LHFPL3: variants seen among roughly 807,000 people sequenced by gnomAD.
The protein encoded by LHFPL3 is LHFPL tetraspan subfamily member 3 protein.
Under a neutral mutation model 19.3 loss-of-function variants are expected in LHFPL3, and 5 were observed. The observed-to-expected ratio is 0.26, with a 90% CI of 0.14 to 0.54. LHFPL3 has a LOEUF of 0.54. Among genes scored for constraint, LHFPL3 ranks in the 20% least tolerant of loss-of-function variants. The pLI, the probability that LHFPL3 is intolerant of heterozygous loss-of-function variation, is 0.94. For missense variants in LHFPL3, 249 were observed against 307.4 expected (o/e 0.81, Z 1.42); for synonymous variants, 133 against 126.2 (o/e 1.05, Z -0.36).
intron 2 of LHFPL3, among the ~76,000 whole-genome samples, chr7:104,884,940 T>G (rs1792121763): frequency 6.6e-6 from 1 of 152,002 alleles, no homozygotes; most frequent in Non-Finnish European, 1.5e-5. Context: ...AGAGGAGGAA[T>G]GGGCAACTCA....
At chr7:104,638,425 T>C (rs1050054613) in intron 1 of LHFPL3, among the ~76,000 whole-genome samples, 3 of 152,084 alleles carry the variant, frequency 2.0e-5, no homozygotes, top group African/African-American at 7.2e-5. Flanking sequence ...TCCAATACTA[T>C]GTTGGATAGG....
intron 2 of LHFPL3, among the ~76,000 whole-genome samples, chr7:104,782,256 T>C (rs1182061299): frequency 6.6e-6 from 1 of 152,194 alleles, no homozygotes; most frequent in Non-Finnish European, 1.5e-5. Context: ...GTTGTCAATC[T>C]TCTCACAATG....
intron 2 of LHFPL3, among the ~76,000 whole-genome samples, chr7:104,809,536 ATTTTTGACATGTT>A (rs1468758701): frequency 1.3e-5 from 2 of 152,220 alleles, no homozygotes; most frequent in Admixed American, 1.3e-4. Context: ...GTATTTACTA[ATTTTTGACATGTT>A]TTTTCTTAAA....
intron 1 of LHFPL3, among the ~76,000 whole-genome samples, chr7:104,519,299 T>G (rs905992203): frequency 6.6e-6 from 1 of 152,156 alleles, no homozygotes. Context: ...TGAGATTTGC[T>G]AGGCCTGCTC....
chr7:104,753,006 A>C (rs1313673403), intron 2 of LHFPL3, among the ~76,000 whole-genome samples: 1 of 152,220 alleles, frequency 6.6e-6, no homozygotes, highest in East Asian at 1.9e-4. Context: ...TTTGTGTTGT[A>C]CATTCTATGG....
chr7:104,578,037 G>T (rs1790376037), intron 1 of LHFPL3, among the ~76,000 whole-genome samples: 1 of 152,174 alleles, frequency 6.6e-6, no homozygotes, highest in African/African-American at 2.4e-5. Flanking sequence ...ATGTCAGGAA[G>T]AATGGTATCC....
Position 104,781,413 on chromosome 7 carries a change from C to T in LHFPL3, c.682+44502C>T, listed in dbSNP as rs568355259. Among the ~76,000 whole-genome samples, 8 of 152,192 alleles carry T rather than the reference C, an allele frequency of 5.3e-5. No individual in the cohort carries two copies. In the South Asian group the frequency reaches 1.2e-3, roughly 24 times the overall value. On this transcript the variant is annotated intron_variant, in intron 2 of 2. Transcript: ENST00000424859. Reference sequence around the variant, plus strand: ...TGTCACAGTGGAAGAGGGGTCCCTCCTTCTGTGTCAGCCAAATTCCTCTGC... The same window carrying T: ...TGTCACAGTGGAAGAGGGGTCCCTCTTTCTGTGTCAGCCAAATTCCTCTGC...
intron 2 of LHFPL3, among the ~76,000 whole-genome samples, chr7:104,800,749 A>G (rs1245858645): frequency 6.6e-6 from 1 of 152,134 alleles, no homozygotes; most frequent in Non-Finnish European, 1.5e-5. Context: ...CCAGGCAGAT[A>G]GTGTTGAAAG....
rs532988136 is a variant in LHFPL3 at position 104,906,421 on chromosome 7, G to A, written c.*206G>A. The A allele has an allele frequency of 1.5e-5, 9 of 598,844 alleles. No homozygotes were observed. Among genetic ancestry groups the A allele is most frequent in the African/African-American group, 1.5e-4 (8 of 53,706 alleles). The allele number at this position is 598,844 out of a possible 1,614,324, so 37.1% of individuals were successfully genotyped here. A position where few individuals can be genotyped will look rare whatever the true frequency, so the allele number is the denominator to read the frequency against. On this transcript the variant is annotated 3_prime_UTR_variant, in exon 3 of 3. Coordinates refer to ENST00000424859, the MANE Select transcript of LHFPL3 (RefSeq NM_199000.3). ...AGATGGGAGTGATTTTCTGGAAAGA[G>A]ATGTGATCATGGATTAAACACCAGC...
chr7:104,855,792 T>C (rs1368614409), intron 2 of LHFPL3, among the ~76,000 whole-genome samples: 2 of 152,130 alleles, frequency 1.3e-5, no homozygotes, highest in Non-Finnish European at 2.9e-5. Flanking sequence ...CCAGTTAAAA[T>C]AGAGACTGGG....
intron 1 of LHFPL3, among the ~76,000 whole-genome samples, chr7:104,357,721 GGT>G (rs1282823255): frequency 6.6e-6 from 1 of 152,046 alleles, no homozygotes; most frequent in South Asian, 2.1e-4. Flanking sequence ...CTCAGGCATG[GGT>G]TGAAGCTGCC....
intron 1 of LHFPL3, among the ~76,000 whole-genome samples, chr7:104,678,798 A>G (rs749234391): frequency 6.6e-6 from 1 of 152,212 alleles, no homozygotes; most frequent in Non-Finnish European, 1.5e-5. Context: ...TTGAACACTA[A>G]CATTAGTGTG....
At chr7:104,695,077 C>A (rs1391832672) in intron 1 of LHFPL3, among the ~76,000 whole-genome samples, 1 of 152,176 alleles carries the variant, frequency 6.6e-6, no homozygotes, top group Non-Finnish European at 1.5e-5. Flanking sequence ...TCCTGCCAGC[C>A]TGATTCCTTT....
intron 1 of LHFPL3, among the ~76,000 whole-genome samples, chr7:104,651,204 C>T (rs896076715): frequency 6.6e-6 from 1 of 152,130 alleles, no homozygotes; most frequent in Non-Finnish European, 1.5e-5. Context: ...AAGCACTTTC[C>T]CTGGTGATGC....
rs890095107 is a variant in LHFPL3, at chr7:104,906,387, G to T, written c.*172G>T. The T allele has an allele frequency of 1.3e-4, 89 of 706,502 alleles. No individual in the cohort carries two copies. The highest frequency in any genetic ancestry group is 2.6e-4 in the Middle Eastern group (1 of 3,876). The allele number at this position is 706,502 out of a possible 1,614,324, so 43.8% of individuals were successfully genotyped here. A position where few individuals can be genotyped will look rare whatever the true frequency, so the allele number is the denominator to read the frequency against. On this transcript the variant is annotated 3_prime_UTR_variant, in exon 3 of 3. Coordinates refer to ENST00000424859, the MANE Select transcript of LHFPL3 (RefSeq NM_199000.3). ...CTTGTCAACGCACTTTCTAAATCTA[G>T]ATCAGCAGAGATGGGAGTGATTTTC...
chr7:104,393,395 A>AC (rs1332963798), intron 1 of LHFPL3, among the ~76,000 whole-genome samples: 2 of 152,152 alleles, frequency 1.3e-5, no homozygotes, highest in Non-Finnish European at 2.9e-5. Context: ...GTAAAAAAAA[A>AC]AATTATGTTC....
chr7:104,802,929 T>C (rs1293609105), intron 2 of LHFPL3: 1 of 152,340 alleles, frequency 6.6e-6, no homozygotes, highest in Non-Finnish European at 1.5e-5. Flanking sequence ...TTCTAAAATA[T>C]GATGCTCTCC....
intron 1 of LHFPL3, among the ~76,000 whole-genome samples, chr7:104,650,733 A>G (rs777653242): frequency 3.3e-4 from 50 of 152,202 alleles, no homozygotes; most frequent in Non-Finnish European, 6.5e-4. Context: ...TGGGTAGACA[A>G]TACACAGTAC....
intron 1 of LHFPL3, among the ~76,000 whole-genome samples, chr7:104,610,876 A>T (rs913844117): frequency 6.6e-6 from 1 of 152,248 alleles, no homozygotes; most frequent in African/African-American, 2.4e-5. Flanking sequence ...AAGATGAGTA[A>T]CAAAAAGTAA....
Sources: gnomAD v4.1 joint callset for allele counts (sites outside exome capture counted in the v4.1 genomes callset) on GRCh38, gnomAD v4.1.1 for gene constraint, MANE v1.5 for transcripts, NCBI Gene and HGNC (gene_info 2026-07-23, HGNC 2026-07-21) for gene names.